Variants in ZNF714 observed in about 807,000 individuals in gnomAD.
ZNF714 encodes the protein zinc finger protein 714.
ZNF714 carries 32 observed loss-of-function variants against 46.2 expected under a neutral mutation model. The ratio of observed to expected loss-of-function variants is 0.69; its 90% CI spans 0.52 to 0.93. The LOEUF is 0.93. Among genes scored for constraint, ZNF714 ranks in the 40% least tolerant of loss-of-function variants. The pLI is 0.00. For synonymous variants in ZNF714, 199 were observed against 213.1 expected, an observed-to-expected ratio of 0.93 and a Z score of 0.58; for missense variants, 635 against 646.3, an observed-to-expected ratio of 0.98 and a Z score of 0.19.
intron 4 of ZNF714, among the ~76,000 whole-genome samples, chr19:21,100,249 C>A (rs920205219): frequency 6.6e-6 from 1 of 151,902 alleles, no homozygotes; most frequent in Non-Finnish European, 1.5e-5. Context: ...CTTGGCCAGC[C>A]GCAGTGTCTC....
rs569619035 is a variant in ZNF714, at chr19:21,117,434, T to G, written c.770T>G (p.Phe257Cys). ...GTAATTCATACTGGAGAGAAGCCCT[T>G]CAAATGTGAAGAATGTGGTAAAGCT... ...HKVIHTGEKP[F>C]KCEECGKAFN... is the part of the protein sequence containing the mutation. Residue 257 changes from phenylalanine (F) to cysteine (C), a missense_variant, in exon 5 of 5, where the codon TTC (phenylalanine) becomes TGC (cysteine). Phe to Cys is a radical substitution (Grantham distance 205, BLOSUM62 -2). Transcript: ENST00000456283. 4.4e-6 allele frequency: 7 copies of G among 1,605,848 alleles called. No individual in the cohort carries two copies. In the East Asian group the frequency reaches 1.1e-4, roughly 26 times the overall value.
In ZNF714 at chr19:21,118,614, A is replaced by T; in HGVS notation, c.*282A>T. 3.8e-6 allele frequency: 1 copy of T among 262,176 alleles called. No individual in the cohort carries two copies. The highest frequency in any genetic ancestry group is 7.6e-6 in the Non-Finnish European group (1 of 131,214). The allele number at this position is 262,176 out of a possible 1,614,324, so 16.2% of individuals were successfully genotyped here. A position where few individuals can be genotyped will look rare whatever the true frequency, so the allele number is the denominator to read the frequency against. On this transcript the variant is annotated 3_prime_UTR_variant, in exon 5 of 5. Coordinates refer to ENST00000456283, the MANE Select transcript of ZNF714 (RefSeq NM_182515.4). Reference sequence around the variant, plus strand: ...GAAGAATATGGCAAAGCCTTTAACCAGTCTTCAACTCTTACTAGGCATTAA... The same window carrying T: ...GAAGAATATGGCAAAGCCTTTAACCTGTCTTCAACTCTTACTAGGCATTAA...
intron 4 of ZNF714, among the ~76,000 whole-genome samples, chr19:21,104,989 G>A (rs1366001965): frequency 6.7e-6 from 1 of 148,262 alleles, no homozygotes; most frequent in African/African-American, 2.5e-5. Flanking sequence ...TCCCATTTGG[G>A]TATATTTTTT....
intron 4 of ZNF714, among the ~76,000 whole-genome samples, chr19:21,111,232 C>T (rs1568280534): frequency 6.6e-6 from 1 of 151,960 alleles, no homozygotes; most frequent in South Asian, 2.1e-4. Context: ...TTTGTGTCCT[C>T]TCTGATTTTC....
rs1486452863 is a variant in ZNF714 at position 21,120,580 on chromosome 19, A to C, written c.*2248A>C. The C allele has an allele frequency of 6.6e-6, 1 of 152,194 alleles. No homozygotes were observed. The highest frequency in any genetic ancestry group is 1.5e-5 in the Non-Finnish European group (1 of 68,036). 9.4% of individuals were successfully genotyped at this position (152,194 alleles called of 1,614,324 possible). ...ATTGTACTTTTATATAAGATGCAGT[A>C]CATTTTTAAAATTTTAGATTGTGTG... On this transcript the variant is annotated 3_prime_UTR_variant, in exon 5 of 5. Transcript: ENST00000456283.
Position 21,119,261 on chromosome 19 carries a change from G to A in ZNF714, c.*929G>A, listed in dbSNP as rs1969668061. 1.9e-5 allele frequency: 6 copies of A among 314,076 alleles called. No individual in the cohort carries two copies. The highest frequency in any genetic ancestry group is 1.4e-4 in the South Asian group (6 of 43,758). 19.5% of individuals were successfully genotyped at this position (314,076 alleles called of 1,614,324 possible). ...CTACTAAAAATACAACAATTAGCCG[G>A]TTGCGGTGGTGGTGCCTGTAATCCC... On this transcript the variant is annotated 3_prime_UTR_variant, in exon 5 of 5. Coordinates refer to ENST00000456283, the MANE Select transcript of ZNF714 (RefSeq NM_182515.4).
chr19:21,097,775 T>TG (rs902320791), intron 2 of ZNF714, among the ~76,000 whole-genome samples: 11 of 147,868 alleles, frequency 7.4e-5, no homozygotes, highest in African/African-American at 2.7e-4. Flanking sequence ...CCAGATCTTC[T>TG]GGGGAAAAAA....
chr19:21,083,419 G>T (rs545224833), intron 1 of ZNF714, among the ~76,000 whole-genome samples: 2 of 152,032 alleles, frequency 1.3e-5, no homozygotes, highest in Non-Finnish European at 2.9e-5. Context: ...CACTCCATGG[G>T]GAACTGATTT....
intron 2 of ZNF714, among the ~76,000 whole-genome samples, chr19:21,090,675 A>G (rs879667459): frequency 6.6e-6 from 1 of 152,052 alleles, no homozygotes; most frequent in Admixed American, 6.6e-5. Flanking sequence ...TCCAGACCCC[A>G]AGAGAGGGTT....
At chr19:21,087,133 T>C (rs1407362741) in intron 2 of ZNF714, among the ~76,000 whole-genome samples, 1 of 149,704 alleles carries the variant, frequency 6.7e-6, no homozygotes. Flanking sequence ...AGAACATCTG[T>C]CAAAGTCTTA....
intron 4 of ZNF714, among the ~76,000 whole-genome samples, chr19:21,106,147 T>TGAGGCA (rs1969306746): frequency 6.6e-6 from 1 of 151,728 alleles, no homozygotes; most frequent in Admixed American, 6.6e-5. Flanking sequence ...CCCACCTACT[T>TGAGGCA]GGGAACCTGA....
chr19:21,117,335 C>A lies in ZNF714; in HGVS notation c.671C>A (p.Thr224Asn). ...CTTACTACACATAAGATGATTCATA[C>A]TGGAGAGAAACCCTACAGATGTGAA... ...STLTTHKMIH[T>N]GEKPYRCEEC... is the part of the protein sequence containing the mutation. The change falls in exon 5 of 5, where the codon ACT becomes AAT. Residue 224 changes from threonine to asparagine, a missense_variant. By Grantham distance (65) the Thr-to-Asn change is moderately conservative. Transcript: ENST00000456283. 2 of 1,612,230 alleles carry A rather than the reference C, an allele frequency of 1.2e-6. No individual in the cohort carries two copies. The highest frequency in any genetic ancestry group is 1.7e-6 in the Non-Finnish European group (2 of 1,178,714).
In ZNF714 at chr19:21,124,558, T is replaced by A. The variant is rs1167806948; in HGVS notation, c.*6226T>A. On this transcript the variant is annotated 3_prime_UTR_variant, in exon 5 of 5. Transcript: ENST00000456283. ...TGTAGAACATATTTTGAAGTATATA[T>A]ACATTGTTATTATTTCTAGGTAATT... Among the ~76,000 whole-genome samples, 1 of 152,228 alleles carries A rather than the reference T, an allele frequency of 6.6e-6. No individual in the cohort carries two copies. The highest frequency in any genetic ancestry group is 2.4e-5 in the African/African-American group (1 of 41,460).
rs189470705 is a variant in ZNF714 at position 21,122,147 on chromosome 19, A to G, written c.*3815A>G. 29 of 152,346 alleles carry G rather than the reference A, an allele frequency of 1.9e-4. No homozygotes were observed. Among genetic ancestry groups the G allele is most frequent in the African/African-American group, 6.7e-4 (28 of 41,592 alleles). 9.4% of individuals were successfully genotyped at this position (152,346 alleles called of 1,614,324 possible). On this transcript the variant is annotated 3_prime_UTR_variant, in exon 5 of 5. Transcript: ENST00000456283. ...GTTCAGGTAAGTACTGGGGGGCTTCATAAGTCATGAGGATGTTTTTATATA... is the reference window on the plus strand; with the variant it reads ...GTTCAGGTAAGTACTGGGGGGCTTCGTAAGTCATGAGGATGTTTTTATATA...
At position 21,124,164 on chromosome 19, in the gene ZNF714, A is replaced by C. The variant is rs899488673; in HGVS notation, c.*5832A>C. On this transcript the variant is annotated 3_prime_UTR_variant, in exon 5 of 5. Coordinates refer to ENST00000456283, the MANE Select transcript of ZNF714 (RefSeq NM_182515.4). ...GGTCCAAACCATGCTGTTAAATATC[A>C]GAGTTCCTATGGTTATGACTGACAA... 2.0e-5 allele frequency: 3 copies of C among 152,200 alleles called. No individual in the cohort carries two copies. Among genetic ancestry groups the C allele is most frequent in the African/African-American group, 7.2e-5 (3 of 41,446 alleles). 9.4% of individuals were successfully genotyped at this position (152,200 alleles called of 1,614,324 possible).
intron 4 of ZNF714, among the ~76,000 whole-genome samples, chr19:21,110,346 C>A (rs57218708): frequency 7.2e-5 from 11 of 152,106 alleles, no homozygotes; most frequent in Non-Finnish European, 1.6e-4. Flanking sequence ...TTAATGATCA[C>A]TGATGTTGAG....
chr19:21,087,977 G>C (rs533113008), intron 2 of ZNF714, among the ~76,000 whole-genome samples: 1 of 152,180 alleles, frequency 6.6e-6, no homozygotes, highest in Non-Finnish European at 1.5e-5. Flanking sequence ...GGTAAGTAAA[G>C]GATTTTAATT....
At chr19:21,116,661 A>G in intron 4 of ZNF714, 146 bp from the exon 5 acceptor site, 6 of 1,017,880 alleles carry the variant, frequency 5.9e-6, no homozygotes, top group Non-Finnish European at 8.2e-6. Flanking sequence ...CTTTTATTAC[A>G]TTTATATGTC....
At position 21,084,704 on chromosome 19, in the gene ZNF714, T is replaced by A. The variant is rs1223923449; in HGVS notation, c.-85+635T>A. Among the ~76,000 whole-genome samples the A allele has an allele frequency of 1.5e-5, 2 of 129,352 alleles. 1 individual carries two copies. The allele number at this position is 129,352 out of a possible 152,430, so 84.9% of individuals were successfully genotyped here. The stretch of plus-strand genomic sequence containing the variant: ...TAGTAGGGCTTGAAAGGTAGGAAAT[T>A]TTTTTTTTTTTTTTTTTTGAGACAG... On this transcript the variant is annotated intron_variant, in intron 2 of 4. Transcript: ENST00000456283.
Sources: allele counts gnomAD v4.1 joint callset (sites outside exome capture counted in the v4.1 genomes callset), GRCh38; gene constraint gnomAD v4.1.1; transcripts MANE v1.5; gene names NCBI Gene and HGNC (gene_info 2026-07-23, HGNC 2026-07-21).